IL34: variants seen among roughly 807,000 people sequenced by gnomAD.
The protein encoded by IL34 is interleukin-34.
A neutral mutation model predicts 25.3 loss-of-function variants in IL34; 17 were observed. That is an observed-to-expected ratio of 0.67 (90% CI 0.46 to 1.01). The LOEUF is 1.01. IL34 is among the 50% of genes least tolerant of loss of function. The probability of loss-of-function intolerance (pLI) is 0.00; values close to 1 mark genes in which losing one functional copy is unlikely to be tolerated. For missense variants in IL34, 368 were observed against 312.9 expected, an observed-to-expected ratio of 1.18 and a Z score of -1.33; for synonymous variants, 174 against 140.9, an observed-to-expected ratio of 1.23 and a Z score of -1.66.
chr16:70,641,028 T>A (rs2051769582), intron 1 of IL34, among the ~76,000 whole-genome samples: 1 of 152,132 alleles, frequency 6.6e-6, no homozygotes, highest in Non-Finnish European at 1.5e-5. Flanking sequence ...TCCCAGCACG[T>A]TGGGAGGCCG....
chr16:70,600,523 G>A (rs2050899398), intron 1 of IL34, among the ~76,000 whole-genome samples: 1 of 152,236 alleles, frequency 6.6e-6, no homozygotes, highest in Non-Finnish European at 1.5e-5. Context: ...GAAATGCACA[G>A]TGGGGCTCTT....
In IL34 at chr16:70,646,944, C is replaced by T; in HGVS notation, c.-4C>T. 2.0e-6 allele frequency: 3 copies of T among 1,475,646 alleles called. No individual in the cohort carries two copies. Among genetic ancestry groups the T allele is most frequent in the Admixed American group, 5.9e-5 (2 of 34,044 alleles). The allele number at this position is 1,475,646 out of a possible 1,614,324, so 91.4% of individuals were successfully genotyped here. ...GAGCTCTCAGGGGGACGAGGAACAC[C>T]ACCATGCCCCGGGGCTTCACCTGGC... On this transcript the variant is annotated 5_prime_UTR_variant, in exon 1 of 6. Coordinates refer to ENST00000288098, the MANE Select transcript of IL34 (RefSeq NM_001393494.1).
At chr16:70,590,599 G>A (rs548334645) in intron 1 of IL34, among the ~76,000 whole-genome samples, 198 of 152,296 alleles carry the variant, frequency 1.3e-3, no homozygotes, top group African/African-American at 4.6e-3. Flanking sequence ...GAAGTAGCTG[G>A]TGCTGTTTTC....
At chr16:70,605,509 CCTCTT>C (rs983222341) in intron 1 of IL34, among the ~76,000 whole-genome samples, 3 of 152,226 alleles carry the variant, frequency 2.0e-5, no homozygotes, top group Non-Finnish European at 4.4e-5. Flanking sequence ...TTAAACAACT[CCTCTT>C]CCCTTCTCCC....
chr16:70,596,178 G>A (rs919093369), intron 1 of IL34, among the ~76,000 whole-genome samples: 3 of 152,082 alleles, frequency 2.0e-5, no homozygotes, highest in African/African-American at 4.8e-5. Flanking sequence ...GAGGCAGGAG[G>A]GGTGAGGGAT....
At chr16:70,615,162 G>A (rs2151830993) in intron 1 of IL34, among the ~76,000 whole-genome samples, 1 of 152,208 alleles carries the variant, frequency 6.6e-6, no homozygotes, top group African/African-American at 2.4e-5. Context: ...TTACTACCCT[G>A]ACAAAAAGTC....
intron 1 of IL34, among the ~76,000 whole-genome samples, chr16:70,617,203 GAGA>G (rs958323438): frequency 2.6e-5 from 4 of 152,180 alleles, no homozygotes; most frequent in Non-Finnish European, 5.9e-5. Flanking sequence ...AATGGAATAA[GAGA>G]AGGAGAAAAA....
chr16:70,659,318 G>C (rs1234041890), intron 4 of IL34, among the ~76,000 whole-genome samples: 3 of 152,238 alleles, frequency 2.0e-5, no homozygotes, highest in African/African-American at 7.2e-5. Flanking sequence ...GTGGTGGGTG[G>C]CCGTGCCTGG....
At chr16:70,604,695 T>G (rs934530574) in intron 1 of IL34, among the ~76,000 whole-genome samples, 1 of 152,176 alleles carries the variant, frequency 6.6e-6, no homozygotes, top group African/African-American at 2.4e-5. Context: ...ACTTAAAATG[T>G]CAGGAGACAG....
intron 1 of IL34, among the ~76,000 whole-genome samples, chr16:70,634,817 A>C (rs1418000491): frequency 6.6e-6 from 1 of 152,186 alleles, no homozygotes; most frequent in Non-Finnish European, 1.5e-5. Context: ...CTTGCATTCA[A>C]ATAGCTGGAA....
intron 1 of IL34, among the ~76,000 whole-genome samples, chr16:70,635,952 A>G (rs1322505439): frequency 1.3e-5 from 2 of 152,226 alleles, no homozygotes; most frequent in South Asian, 2.1e-4. Flanking sequence ...GGCTGAGGCA[A>G]AAGAGGATCC....
intron 1 of IL34, among the ~76,000 whole-genome samples, chr16:70,586,176 A>G (rs1380311567): frequency 6.6e-6 from 1 of 152,180 alleles, no homozygotes; most frequent in African/African-American, 2.4e-5. Context: ...TATTGTATGT[A>G]TATACACCAT....
At chr16:70,649,598 C>T (rs570163764) in intron 1 of IL34, among the ~76,000 whole-genome samples, 13 of 152,040 alleles carry the variant, frequency 8.6e-5, no homozygotes, top group Admixed American at 6.6e-4. Flanking sequence ...CACTCGGGTT[C>T]GGGTGAATGT....
At chr16:70,618,393 G>T (rs544313913) in intron 1 of IL34, among the ~76,000 whole-genome samples, 1 of 152,278 alleles carries the variant, frequency 6.6e-6, no homozygotes, top group Non-Finnish European at 1.5e-5. Context: ...AACGGTAATT[G>T]TGGGAGACTC....
intron 1 of IL34, among the ~76,000 whole-genome samples, chr16:70,640,716 G>T (rs1468492490): frequency 6.6e-6 from 1 of 151,744 alleles, no homozygotes; most frequent in South Asian, 2.1e-4. Context: ...TATAGTTGAT[G>T]TATGGTAAAG....
In IL34 at chr16:70,654,714, G is replaced by A. The variant is rs202166399; in HGVS notation, c.162+43G>A. On this transcript the variant is annotated intron_variant, in intron 2 of 5. Coordinates refer to ENST00000288098, the MANE Select transcript of IL34 (RefSeq NM_001393494.1). The stretch of plus-strand genomic sequence containing the variant: ...AGCTGTGTCCCTGTCCCCGCGTCCC[G>A]GGGTTCACCTGGCATAGGCCTCTGG... 1.2e-5 allele frequency: 19 copies of A among 1,562,838 alleles called. No homozygotes were observed. In the Admixed American group the frequency reaches 1.8e-4, roughly 14 times the overall value.
intron 1 of IL34, among the ~76,000 whole-genome samples, chr16:70,631,898 T>TG (rs1394683153): frequency 2.6e-5 from 4 of 151,018 alleles, no homozygotes; most frequent in Non-Finnish European, 5.9e-5. Context: ...AAGACCAGCC[T>TG]GGGTACCATG....
At chr16:70,597,689 G>A (rs2050844277) in intron 1 of IL34, among the ~76,000 whole-genome samples, 1 of 152,206 alleles carries the variant, frequency 6.6e-6, no homozygotes, top group South Asian at 2.1e-4. Context: ...ACATGATGAT[G>A]TACACTCTAT....
chr16:70,657,156 T>A, intron 4 of IL34, 35 bp downstream of exon 4: 1 of 1,603,640 alleles, frequency 6.2e-7, no homozygotes, highest in South Asian at 1.1e-5. Flanking sequence ...GTGGGGTGTG[T>A]GTGTGTGCAC....
Sources: gnomAD v4.1 joint callset for allele counts (sites outside exome capture counted in the v4.1 genomes callset) on GRCh38, gnomAD v4.1.1 for gene constraint, MANE v1.5 for transcripts, NCBI Gene and HGNC (gene_info 2026-07-23, HGNC 2026-07-21) for gene names.